The following LRP2 variants were observed in gnomAD, a reference collection of about 807,000 sequenced individuals.
LRP2 encodes the protein low-density lipoprotein receptor-related protein 2.
A neutral mutation model predicts 531.0 loss-of-function variants in LRP2; 172 were observed. That is an observed-to-expected ratio of 0.32 (90% CI 0.29 to 0.37). The LOEUF (loss-of-function observed/expected upper bound fraction) is 0.37. Ranked by LOEUF, LRP2 falls within the 10% of genes least tolerant of loss-of-function variation. LRP2 has a pLI of 1.00. For synonymous variants in LRP2, 1,992 were observed against 2,027.6 expected (o/e 0.98, Z 0.47); for missense variants, 5,167 against 5,868.3 (o/e 0.88, Z 3.90).
intron 1 of LRP2, among the ~76,000 whole-genome samples, chr2:169,343,340 T>C (rs1374144599): frequency 6.6e-6 from 1 of 152,200 alleles, no homozygotes; most frequent in Non-Finnish European, 1.5e-5. Flanking sequence ...TCATCTGCTT[T>C]AAAAAGCTGT....
At chr2:169,162,649 A>C in intron 62 of LRP2, 49 bp from the exon 63 acceptor site, 1 of 1,585,320 alleles carries the variant, frequency 6.3e-7, no homozygotes, top group Non-Finnish European at 8.7e-7. Context: ...TTTATGAAGC[A>C]AGATACTTCC....
At position 169,213,649 on chromosome 2, in the gene LRP2, ATACT is replaced by A. The variant is rs2105343563; in HGVS notation, c.6040+4_6040+7del. ...ACCCATGAATGTATTTCAGTGACAA[ATACT>A]TACTGCGTCTGTGATAAACTTGAAG... On this transcript the variant is annotated splice_donor_5th_base_variant and intron_variant, in intron 36 of 78. Coordinates refer to ENST00000649046, the MANE Select transcript of LRP2 (RefSeq NM_004525.3). The A allele has an allele frequency of 6.2e-7, 1 of 1,608,432 alleles. No individual in the cohort carries two copies. Among genetic ancestry groups the A allele is most frequent in the Non-Finnish European group, 8.5e-7 (1 of 1,176,242 alleles).
In LRP2 at chr2:169,188,245, C is replaced by G; in HGVS notation, c.9053G>C (p.Cys3018Ser). 6.2e-7 allele frequency: 1 copy of G among 1,614,152 alleles called. No homozygotes were observed. The highest frequency in any genetic ancestry group is 8.5e-7 in the Non-Finnish European group (1 of 1,180,020). Reference protein sequence around the residue: ...KIFRCDRHNDCGDYSDERGCL... With the variant: ...KIFRCDRHNDSGDYSDERGCL... ...GCCCCTCTCGTCGCTATAGTCACCA[C>G]AGTCATTGTGCCGGTCACACCTGTA... Residue 3018 changes from cysteine to serine, a missense_variant, in exon 49 of 79, where the codon TGT becomes TCT. This residue lies in a region of LRP2 where 1,129 missense variants were observed against 1,362.7 expected (regional missense o/e 0.83). Coordinates refer to ENST00000649046, the MANE Select transcript of LRP2 (RefSeq NM_004525.3).
Position 169,181,615 on chromosome 2 carries a change from G to T in LRP2, c.10002C>A (p.Tyr3334Ter). The change falls in exon 52 of 79, where the codon TAC (tyrosine) becomes TAA (stop). Residue 3334 changes from tyrosine to a stop codon, truncating the protein, a stop_gained. Transcript: ENST00000649046. LOFTEE classifies it high-confidence loss of function. ...RGLALHPQYG[Y>*]LYWADWGHRA... ...GGTGACCCCAGTCTGCCCAGTAGAG[G>T]TACCTGTCAGGGCAAACACAAAGGG... The T allele has an allele frequency of 1.2e-6, 2 of 1,614,028 alleles. No homozygotes were observed. The highest frequency in any genetic ancestry group is 1.1e-5 in the South Asian group (1 of 91,074).
chr2:169,290,781 C>T (rs191619550), intron 8 of LRP2, 64 bp downstream of exon 8: 237 of 1,529,842 alleles, frequency 1.5e-4, no homozygotes, highest in Admixed American at 1.2e-3. Flanking sequence ...TGTATTTGAA[C>T]GTCTGTTCTA....
At chr2:169,285,186 G>A (rs1285103249) in intron 9 of LRP2, among the ~76,000 whole-genome samples, 1 of 151,760 alleles carries the variant, frequency 6.6e-6, no homozygotes, top group Non-Finnish European at 1.5e-5. Flanking sequence ...GCCAGGCATG[G>A]AGGCACGTGC....
At position 169,145,857 on chromosome 2, in the gene LRP2, T is replaced by G. The variant is rs749727296; in HGVS notation, c.12878A>C (p.Glu4293Ala). 9 of 1,613,952 alleles carry G rather than the reference T, an allele frequency of 5.6e-6. No homozygotes were observed. The African/African-American group carries it at 1.2e-4, about 22-fold the overall frequency. ...CCCAAATTTATTTTGTTTCCATACTTCTCCCTTTTCCTTAGATATCCAGTA... is the reference window on the plus strand; with the variant it reads ...CCCAAATTTATTTTGTTTCCATACTGCTCCCTTTTCCTTAGATATCCAGTA... The part of the protein sequence containing the change: ...QLYWISKEKG[E>A]VWKQNKFGQG... Residue 4293 changes from glutamate (E) to alanine (A), a missense_variant, in exon 70 of 79, where the codon GAA (glutamate) becomes GCA (alanine). Physicochemically the swap from Glu to Ala is moderately radical, Grantham distance 107. This residue lies in a region of LRP2 where 564 missense variants were observed against 747.7 expected (regional missense o/e 0.75). Coordinates refer to ENST00000649046, the MANE Select transcript of LRP2 (RefSeq NM_004525.3).
chr2:169,307,753 A>T (rs1010741100), intron 3 of LRP2, among the ~76,000 whole-genome samples: 2 of 152,232 alleles, frequency 1.3e-5, no homozygotes, highest in African/African-American at 4.8e-5. Context: ...TTGTATAAAC[A>T]AGAAGGAAAT....
intron 16 of LRP2, among the ~76,000 whole-genome samples, chr2:169,267,475 G>A (rs886846121): frequency 1.3e-5 from 2 of 152,078 alleles, no homozygotes; most frequent in African/African-American, 2.4e-5. Flanking sequence ...TCAACTACAC[G>A]GAAACTGAAC....
chr2:169,308,935 T>A (rs1056211866), intron 3 of LRP2, among the ~76,000 whole-genome samples: 1 of 152,128 alleles, frequency 6.6e-6, no homozygotes, highest in African/African-American at 2.4e-5. Context: ...TGAGATGATA[T>A]CTCATTGTGG....
At chr2:169,203,149 C>A (rs1241873802) in intron 42 of LRP2, among the ~76,000 whole-genome samples, 190 bp from the exon 43 acceptor site, 1 of 151,234 alleles carries the variant, frequency 6.6e-6, no homozygotes, top group Non-Finnish European at 1.5e-5. Flanking sequence ...TCACCAATTT[C>A]TAATAAATGT....
At position 169,138,581 on chromosome 2, in the gene LRP2, G is replaced by T. The variant is rs757427284; in HGVS notation, c.13514C>A (p.Ala4505Glu). ...GPETAIDRSM[A>E]MSEDFVMEMG... ...TCATTTTGAAACCATACTCACCATT[G>T]CCATTGACCTGTCAATAGCAGTCTC... Residue 4505 changes from alanine to glutamate, a missense_variant, in exon 75 of 79, where the codon GCA becomes GAA. Physicochemically the swap from Ala to Glu is moderately radical, Grantham distance 107 (BLOSUM62 -1). This residue lies in a region of LRP2 where 348 missense variants were observed against 369.3 expected (regional missense o/e 0.94). Coordinates refer to ENST00000649046, the MANE Select transcript of LRP2 (RefSeq NM_004525.3). The T allele has an allele frequency of 2.5e-6, 4 of 1,613,668 alleles. No individual in the cohort carries two copies. Among genetic ancestry groups the T allele is most frequent in the Non-Finnish European group, 3.4e-6 (4 of 1,179,786 alleles).
intron 4 of LRP2, among the ~76,000 whole-genome samples, chr2:169,305,250 G>A (rs1454381766): frequency 2.0e-5 from 3 of 152,144 alleles, no homozygotes; most frequent in Non-Finnish European, 4.4e-5. Flanking sequence ...AATGCACCAT[G>A]TGGTCATGGT....
chr2:169,292,253 C>A lies in LRP2; in HGVS notation c.769G>T (p.Glu257Ter). 6.3e-7 allele frequency: 1 copy of A among 1,598,122 alleles called. No homozygotes were observed. The highest frequency in any genetic ancestry group is 8.6e-7 in the Non-Finnish European group (1 of 1,165,484). Residue 257 changes from glutamate to a stop codon, truncating the protein, a stop_gained and splice_region_variant, in exon 7 of 79, where the codon GAA (glutamate) becomes TAA (stop). Coordinates refer to ENST00000649046, the MANE Select transcript of LRP2 (RefSeq NM_004525.3). LOFTEE classifies it high-confidence loss of function. ...CKDNGDEDGCESGPHDVHKCS... is the reference protein window; with the variant it reads ...CKDNGDEDGC ...AGTAGGAATCTCTTCCCCTCCTTAC[C>A]ACATCCATCTTCATCTCCATTATCT...
rs1489314916 is a variant in LRP2 at position 169,292,515 on chromosome 2, A to T, written c.653-146T>A. 10 of 657,762 alleles carry T rather than the reference A, an allele frequency of 1.5e-5. 1 individual carries two copies. Among genetic ancestry groups the T allele is most frequent in the African/African-American group, 3.7e-5 (2 of 54,720 alleles). 40.7% of individuals were successfully genotyped at this position (657,762 alleles called of 1,614,324 possible). A position where few individuals can be genotyped will look rare whatever the true frequency, so the allele number is the denominator to read the frequency against. Reference sequence around the variant, plus strand: ...CTTAGACATCTTGACAAAAATTTTTAAAAAGGAGGAAAAAAAAGAGAGAGA... The same window carrying T: ...CTTAGACATCTTGACAAAAATTTTTTAAAAGGAGGAAAAAAAAGAGAGAGA... On this transcript the variant is annotated intron_variant, in intron 6 of 78. Transcript: ENST00000649046.
chr2:169,361,554 C>G (rs998319217), intron 1 of LRP2, among the ~76,000 whole-genome samples: 1 of 152,076 alleles, frequency 6.6e-6, no homozygotes, highest in Non-Finnish European at 1.5e-5. Flanking sequence ...TTTCCCTCTT[C>G]TCTGTTTCTG....
At position 169,269,173 on chromosome 2, in the gene LRP2, A is replaced by G. The variant is rs535168602; in HGVS notation, c.2320+1731T>C. On this transcript the variant is annotated intron_variant, in intron 16 of 78. Coordinates refer to ENST00000649046, the MANE Select transcript of LRP2 (RefSeq NM_004525.3). ...GAATCAATATTGTGAAAATGGCCAT[A>G]CTGCCCAAGGTGATTTATAGATTCA... is the stretch of plus-strand genomic sequence containing the variant. 4.0e-4 allele frequency among the ~76,000 whole-genome samples: 61 copies of G among 152,342 alleles called. No individual in the cohort carries two copies. The Middle Eastern group carries it at 0.017, about 42-fold the overall frequency.
intron 62 of LRP2, among the ~76,000 whole-genome samples, chr2:169,165,288 G>T (rs1686743034): frequency 6.6e-6 from 1 of 152,210 alleles, no homozygotes. Flanking sequence ...AAATTGCCCA[G>T]AAAATTGGTC....
chr2:169,309,962 G>C (rs1684546134), intron 3 of LRP2, among the ~76,000 whole-genome samples: 1 of 152,064 alleles, frequency 6.6e-6, no homozygotes, highest in Non-Finnish European at 1.5e-5. Context: ...TGGATTCCTA[G>C]GTATTTTATT....
Sources: gnomAD v4.1 joint callset for allele counts (sites outside exome capture counted in the v4.1 genomes callset) on GRCh38, gnomAD v4.1.1 for gene constraint, gnomAD v4.1.1 regional missense constraint, MANE v1.5 for transcripts, NCBI Gene and HGNC (gene_info 2026-07-23, HGNC 2026-07-21) for gene names.